The following GFRAL variants were observed in gnomAD, a reference collection of about 807,000 sequenced individuals.
GFRAL encodes GDNF family receptor alpha like.
A neutral mutation model predicts 45.4 loss-of-function variants in GFRAL; 36 were observed. That is an observed-to-expected ratio of 0.79 (90% CI 0.61 to 1.05). GFRAL has a LOEUF of 1.05. Among genes scored for constraint, GFRAL ranks in the 50% least tolerant of loss-of-function variants. The pLI is 0.00. For synonymous variants in GFRAL, 166 were observed against 154.1 expected, an observed-to-expected ratio of 1.08 and a Z score of -0.57; for missense variants, 507 against 467.5, an observed-to-expected ratio of 1.08 and a Z score of -0.78.
intron 3 of GFRAL, among the ~76,000 whole-genome samples, chr6:55,348,831 G>A (rs1393043349): frequency 6.6e-6 from 1 of 152,112 alleles, no homozygotes; most frequent in Non-Finnish European, 1.5e-5. Context: ...GAGTGAAGCT[G>A]TTGTTTATTT....
chr6:55,369,507 A>G (rs1768421073), intron 6 of GFRAL, among the ~76,000 whole-genome samples: 1 of 152,210 alleles, frequency 6.6e-6, no homozygotes, highest in Non-Finnish European at 1.5e-5. Flanking sequence ...ATCTTATAGT[A>G]GAGCTATATC....
chr6:55,331,596 C>G, intron 1 of GFRAL, 119 bp from the exon 2 acceptor site: 1 of 776,296 alleles, frequency 1.3e-6, no homozygotes, highest in East Asian at 2.9e-5. Flanking sequence ...TTCCCACCAT[C>G]AATTATTTCA....
chr6:55,366,360 T>C (rs1420253235), intron 6 of GFRAL, among the ~76,000 whole-genome samples: 1 of 150,668 alleles, frequency 6.6e-6, no homozygotes, highest in Admixed American at 6.6e-5. Flanking sequence ...GCTAGTGGTC[T>C]ATCAATTTTG....
chr6:55,397,972 C>T (rs1313167895), intron 6 of GFRAL, among the ~76,000 whole-genome samples: 1 of 152,020 alleles, frequency 6.6e-6, no homozygotes. Flanking sequence ...GTATTTAGTA[C>T]AATAGCACAC....
At chr6:55,374,565 T>A (rs926792077) in intron 6 of GFRAL, among the ~76,000 whole-genome samples, 1 of 152,136 alleles carries the variant, frequency 6.6e-6, no homozygotes, top group Non-Finnish European at 1.5e-5. Flanking sequence ...AAAGTTTTCT[T>A]CCACTATGTA....
Position 55,345,308 on chromosome 6 carries a change from A to G in GFRAL, c.317-4784A>G, listed in dbSNP as rs1562051109. Among the ~76,000 whole-genome samples the G allele has an allele frequency of 2.0e-5, 3 of 152,344 alleles. No homozygotes were observed. The South Asian group carries it at 6.2e-4, about 32-fold the overall frequency. ...ACTTCAAACTATACTACAAGGCAGTAGTAACCAAAACAGCATGGTACTGGT... is the reference window on the plus strand; with the variant it reads ...ACTTCAAACTATACTACAAGGCAGTGGTAACCAAAACAGCATGGTACTGGT... On this transcript the variant is annotated intron_variant, in intron 3 of 8. Transcript: ENST00000340465.
chr6:55,398,902 G>C (rs1435226437), intron 6 of GFRAL, among the ~76,000 whole-genome samples: 1 of 152,008 alleles, frequency 6.6e-6, no homozygotes, highest in Non-Finnish European at 1.5e-5. Flanking sequence ...TTTCTTGTCT[G>C]TATATAAGAT....
chr6:55,332,540 C>T (rs1440365888), intron 2 of GFRAL, among the ~76,000 whole-genome samples: 2 of 152,044 alleles, frequency 1.3e-5, no homozygotes, highest in African/African-American at 4.8e-5. Flanking sequence ...TCTCCTGCCT[C>T]AGCCTCCAGA....
intron 6 of GFRAL, among the ~76,000 whole-genome samples, chr6:55,380,252 G>A (rs1341143203): frequency 6.6e-6 from 1 of 151,730 alleles, no homozygotes; most frequent in East Asian, 1.9e-4. Flanking sequence ...GTGTGCTAGG[G>A]GTTTCTATAT....
chr6:55,331,688 A>G, intron 1 of GFRAL, 27 bp from the exon 2 acceptor site: 4 of 1,589,640 alleles, frequency 2.5e-6, no homozygotes, highest in East Asian at 2.3e-5. Context: ...TTATATTACA[A>G]CCTTGTTTTT....
chr6:55,385,081 A>T (rs2127364089), intron 6 of GFRAL, among the ~76,000 whole-genome samples: 1 of 152,200 alleles, frequency 6.6e-6, no homozygotes, highest in African/African-American at 2.4e-5. Flanking sequence ...TGAGCACACT[A>T]CTACCTTCCT....
At chr6:55,349,730 G>A (rs527928652) in intron 3 of GFRAL, among the ~76,000 whole-genome samples, 2 of 151,540 alleles carry the variant, frequency 1.3e-5, no homozygotes, top group Non-Finnish European at 2.9e-5. Context: ...TGCTGGGCAG[G>A]GTGGGAGGTA....
intron 3 of GFRAL, among the ~76,000 whole-genome samples, chr6:55,339,066 C>T (rs933189105): frequency 1.3e-5 from 2 of 152,090 alleles, no homozygotes; most frequent in Admixed American, 1.3e-4. Context: ...TGAACTAAGG[C>T]ACCGGTCCTG....
chr6:55,402,225 C>A lies in GFRAL; in HGVS notation c.*372C>A, dbSNP rs927640747. The A allele has an allele frequency of 6.2e-6, 1 of 160,926 alleles. No individual in the cohort carries two copies. Among genetic ancestry groups the A allele is most frequent in the African/African-American group, 2.5e-5 (1 of 40,474 alleles). The allele number at this position is 160,926 out of a possible 1,614,324, so 10.0% of individuals were successfully genotyped here. On this transcript the variant is annotated 3_prime_UTR_variant, in exon 9 of 9. Coordinates refer to ENST00000340465, the MANE Select transcript of GFRAL (RefSeq NM_207410.2). Reference sequence around the variant, plus strand: ...AAACTCCTGACCTCAGGTGATCCACCCACCTCGGCCTCCCAAAGTGCTGGG... The same window carrying A: ...AAACTCCTGACCTCAGGTGATCCACACACCTCGGCCTCCCAAAGTGCTGGG...
intron 6 of GFRAL, among the ~76,000 whole-genome samples, chr6:55,367,954 C>T (rs1013894488): frequency 1.6e-4 from 23 of 146,508 alleles, no homozygotes; most frequent in Non-Finnish European, 2.6e-4. Context: ...ATCTTTGTGG[C>T]GTTCTCTGTA....
chr6:55,392,420 T>C (rs772660272), intron 6 of GFRAL, among the ~76,000 whole-genome samples: 2 of 152,238 alleles, frequency 1.3e-5, no homozygotes, highest in Non-Finnish European at 2.9e-5. Context: ...CACATTGTTA[T>C]GTGGACATTT....
chr6:55,396,064 C>T lies in GFRAL; in HGVS notation c.953-3116C>T, dbSNP rs558066250. Among the ~76,000 whole-genome samples the T allele has an allele frequency of 2.2e-4, 34 of 152,220 alleles. 1 individual carries two copies. Among genetic ancestry groups the T allele is most frequent in the African/African-American group, 6.3e-4 (26 of 41,552 alleles). ...TGACTTTAATTTCATGGTTATAAAA[C>T]GCTGTAAACCTCACTGTTTATAAAA... On this transcript the variant is annotated intron_variant, in intron 6 of 8. Coordinates refer to ENST00000340465, the MANE Select transcript of GFRAL (RefSeq NM_207410.2).
chr6:55,329,354 TG>T (rs1026195915), intron 1 of GFRAL, among the ~76,000 whole-genome samples: 6 of 152,096 alleles, frequency 3.9e-5, no homozygotes, highest in African/African-American at 1.4e-4. Flanking sequence ...AAAACATATT[TG>T]GGGAAGACAA....
intron 6 of GFRAL, among the ~76,000 whole-genome samples, chr6:55,363,025 A>G (rs1768298563): frequency 6.6e-6 from 1 of 151,496 alleles, no homozygotes; most frequent in Admixed American, 6.6e-5. Context: ...GAGAAGAAGT[A>G]GGAGACAAAA....
Sources: allele counts gnomAD v4.1 joint callset (sites outside exome capture counted in the v4.1 genomes callset), GRCh38; gene constraint gnomAD v4.1.1; transcripts MANE v1.5; gene names NCBI Gene and HGNC (gene_info 2026-07-23, HGNC 2026-07-21).